WDFY3: variants seen among roughly 807,000 people sequenced by gnomAD.
WDFY3 encodes WD repeat and FYVE domain-containing protein 3.
In WDFY3, 66 loss-of-function variants were observed where a neutral mutation model predicts 409.6. The ratio of observed to expected loss-of-function variants is 0.16; its 90% CI spans 0.13 to 0.20. The LOEUF (loss-of-function observed/expected upper bound fraction) is 0.20. WDFY3 is among the 10% of genes least tolerant of loss of function. The pLI is 1.00. For missense variants in WDFY3, 3,031 were observed against 4,298.1 expected (o/e 0.71, Z 8.24); for synonymous variants, 1,521 against 1,537.1 (o/e 0.99, Z 0.25).
At chr4:84,678,876 C>A in intron 65 of WDFY3, 43 bp downstream of exon 65, 1 of 1,559,722 alleles carries the variant, frequency 6.4e-7, no homozygotes. Flanking sequence ...AACCCTCACA[C>A]CACATATAAG....
chr4:84,860,403 T>G lies in WDFY3; in HGVS notation c.180+9A>C. 1 of 1,605,774 alleles carries G rather than the reference T, an allele frequency of 6.2e-7. No homozygotes were observed. Among genetic ancestry groups the G allele is most frequent in the Non-Finnish European group, 8.5e-7 (1 of 1,173,484 alleles). ...CCCGGAAGGTGTGTGTCTGGCAACC[T>G]GGACTTACCCTGTTAAACACTGGCA... On this transcript the variant is annotated intron_variant, in intron 4 of 67. Coordinates refer to ENST00000295888, the MANE Select transcript of WDFY3 (RefSeq NM_014991.6).
chr4:84,792,963 A>G (rs1235845810), intron 21 of WDFY3, among the ~76,000 whole-genome samples: 4 of 152,250 alleles, frequency 2.6e-5, no homozygotes, highest in African/African-American at 7.2e-5. Context: ...ATTAAAAATT[A>G]AAATCTATGA....
At chr4:84,939,220 TTGTC>T (rs1771804390) in intron 1 of WDFY3, among the ~76,000 whole-genome samples, 1 of 152,198 alleles carries the variant, frequency 6.6e-6, no homozygotes, top group Non-Finnish European at 1.5e-5. Context: ...TATTTTGCAC[TTGTC>T]GAATGTTTCC....
intron 4 of WDFY3, among the ~76,000 whole-genome samples, chr4:84,858,599 C>T (rs997926962): frequency 1.3e-5 from 2 of 151,310 alleles, no homozygotes; most frequent in Non-Finnish European, 2.9e-5. Flanking sequence ...GAATATTTAC[C>T]GAGACTGAAC....
intron 32 of WDFY3, among the ~76,000 whole-genome samples, chr4:84,759,595 G>A (rs2149348219): frequency 6.7e-6 from 1 of 149,610 alleles, no homozygotes. Flanking sequence ...TCATGATTTG[G>A]CTCTCTGTTT....
chr4:84,726,992 T>G, intron 44 of WDFY3, 81 bp from the exon 45 acceptor site: 3 of 1,267,990 alleles, frequency 2.4e-6, no homozygotes, highest in Non-Finnish European at 3.3e-6. Flanking sequence ...TTCTTGAGGA[T>G]TGTATGAAAT....
intron 1 of WDFY3, among the ~76,000 whole-genome samples, chr4:84,952,160 G>A (rs1033314668): frequency 3.3e-5 from 5 of 152,138 alleles, no homozygotes; most frequent in African/African-American, 4.8e-5. Context: ...CAGCTGCCAT[G>A]TCTTGACAGG....
intron 2 of WDFY3, among the ~76,000 whole-genome samples, chr4:84,905,549 G>A (rs982077622): frequency 6.6e-6 from 1 of 152,020 alleles, no homozygotes; most frequent in Non-Finnish European, 1.5e-5. Flanking sequence ...CTTTAGATCC[G>A]AGCTGCGATT....
intron 17 of WDFY3, 38 bp from the exon 18 acceptor site, chr4:84,798,146 GATT>G: frequency 2.0e-6 from 3 of 1,488,364 alleles, no homozygotes; most frequent in South Asian, 2.4e-5. Context: ...CCTTGATTGA[GATT>G]ATTATATAAT....
At chr4:84,944,702 G>A (rs1772585904) in intron 1 of WDFY3, among the ~76,000 whole-genome samples, 1 of 151,790 alleles carries the variant, frequency 6.6e-6, no homozygotes, top group African/African-American at 2.4e-5. Context: ...GCTAAGACAG[G>A]AGAATTGCTT....
chr4:84,789,631 TAA>T, intron 22 of WDFY3, 93 bp downstream of exon 22: 1 of 1,106,906 alleles, frequency 9.0e-7, no homozygotes, highest in Non-Finnish European at 1.2e-6. Flanking sequence ...AATATCCCTG[TAA>T]CACACACACA....
At chr4:84,931,025 T>C (rs1408071941) in intron 2 of WDFY3, among the ~76,000 whole-genome samples, 1 of 152,204 alleles carries the variant, frequency 6.6e-6, no homozygotes, top group Non-Finnish European at 1.5e-5. Context: ...TTATTATTGT[T>C]AATCTCTTAC....
At chr4:84,881,361 C>A (rs1325423702) in intron 3 of WDFY3, among the ~76,000 whole-genome samples, 1 of 151,964 alleles carries the variant, frequency 6.6e-6, no homozygotes, top group East Asian at 1.9e-4. Context: ...CTCAAATATA[C>A]CATAAAGATA....
At chr4:84,871,760 G>C (rs1762162188) in intron 3 of WDFY3, among the ~76,000 whole-genome samples, 1 of 151,760 alleles carries the variant, frequency 6.6e-6, no homozygotes, top group African/African-American at 2.4e-5. Context: ...TCAGTCTTCT[G>C]AGTAGTTGGG....
chr4:84,957,105 C>A (rs561943401), intron 1 of WDFY3, among the ~76,000 whole-genome samples: 1 of 151,066 alleles, frequency 6.6e-6, no homozygotes. Flanking sequence ...GATATAAAAC[C>A]AAGGCCCAAC....
At chr4:84,956,654 G>A (rs189024122) in intron 1 of WDFY3, among the ~76,000 whole-genome samples, 2 of 152,234 alleles carry the variant, frequency 1.3e-5, no homozygotes, top group Admixed American at 1.3e-4. Context: ...GGCTTCACAT[G>A]TACCTAGTTG....
Position 84,716,592 on chromosome 4 carries a change from C to T in WDFY3, c.7875+304G>A, listed in dbSNP as rs911111238. Among the ~76,000 whole-genome samples the T allele has an allele frequency of 5.3e-5, 8 of 151,422 alleles. No individual in the cohort carries two copies. The East Asian group carries it at 1.4e-3, about 26-fold the overall frequency. On this transcript the variant is annotated intron_variant, in intron 49 of 67. Transcript: ENST00000295888. The stretch of plus-strand genomic sequence containing the variant: ...CGGGCGGATCATGAGGTCAGGAGAT[C>T]GAGACCATCCTGGCTGACACAAGGA...
chr4:84,886,658 GA>G (rs775694308), intron 3 of WDFY3, among the ~76,000 whole-genome samples: 6 of 152,126 alleles, frequency 3.9e-5, no homozygotes, highest in Admixed American at 2.6e-4. Flanking sequence ...GAGAGGGAAG[GA>G]AGGAAGGGAG....
chr4:84,891,128 A>G (rs1463770341), intron 3 of WDFY3, among the ~76,000 whole-genome samples: 1 of 152,214 alleles, frequency 6.6e-6, no homozygotes, highest in Non-Finnish European at 1.5e-5. Flanking sequence ...ATCCACACAG[A>G]CAGCCGCAGC....
Sources: gnomAD v4.1 joint callset for allele counts (sites outside exome capture counted in the v4.1 genomes callset) on GRCh38, gnomAD v4.1.1 for gene constraint, MANE v1.5 for transcripts, NCBI Gene and HGNC (gene_info 2026-07-23, HGNC 2026-07-21) for gene names.